Variants in CTPS1 observed in about 807,000 individuals in gnomAD.
CTPS1 encodes CTP synthase 1, also known as CTP synthetase 1.
A neutral mutation model predicts 80.5 loss-of-function variants in CTPS1; 25 were observed. The ratio of observed to expected loss-of-function variants is 0.31; its 90% CI spans 0.23 to 0.43. CTPS1 has a LOEUF of 0.43. Ranked by LOEUF, CTPS1 falls within the 20% of genes least tolerant of loss-of-function variation. CTPS1 has a pLI of 1.00. For synonymous variants in CTPS1, 267 were observed against 252.5 expected (o/e 1.06, Z -0.54); for missense variants, 442 against 725.7 (o/e 0.61, Z 4.49).
intron 7 of CTPS1, among the ~76,000 whole-genome samples, chr1:40,994,757 G>A (rs1250068979): frequency 1.3e-5 from 2 of 152,086 alleles, no homozygotes; most frequent in South Asian, 2.1e-4. Flanking sequence ...GCCTTGTTCT[G>A]GACTTTAAAT....
chr1:40,982,770 C>T (rs184886809), intron 1 of CTPS1, among the ~76,000 whole-genome samples: 6 of 152,320 alleles, frequency 3.9e-5, no homozygotes, highest in Admixed American at 3.9e-4. Flanking sequence ...TTTAGTCTAT[C>T]TTTTGTAACC....
Position 41,007,314 on chromosome 1 carries a change from G to A in CTPS1, c.1297-135G>A, listed in dbSNP as rs1378479833. On this transcript the variant is annotated intron_variant, in intron 13 of 18. Transcript: ENST00000650070. The surrounding 1 kb of genome is among the most constrained non-coding windows in gnomAD (Gnocchi z 4.4). The stretch of plus-strand genomic sequence containing the variant: ...CCAACTGGGAGGCATTTTCTTCTGT[G>A]ACAAAATGTCTCATAAGGAAAGCCT... 1 of 735,260 alleles carries A rather than the reference G, an allele frequency of 1.4e-6. No individual in the cohort carries two copies. Among genetic ancestry groups the A allele is most frequent in the Non-Finnish European group, 2.2e-6 (1 of 447,386 alleles). The allele number at this position is 735,260 out of a possible 1,614,324, so 45.5% of individuals were successfully genotyped here.
chr1:40,988,786 C>A, intron 5 of CTPS1, 76 bp downstream of exon 5: 1 of 967,468 alleles, frequency 1.0e-6, no homozygotes, highest in Non-Finnish European at 1.7e-6. Context: ...ATGATTTTCA[C>A]TCATTGTCTA....
At chr1:40,982,213 G>T (rs372890675) in intron 1 of CTPS1, among the ~76,000 whole-genome samples, 2 of 152,020 alleles carry the variant, frequency 1.3e-5, no homozygotes, top group African/African-American at 4.8e-5. Context: ...TGCCACCGTG[G>T]CACTGCTTTT....
chr1:40,981,074 C>CG (rs1171269175), intron 1 of CTPS1: 1 of 152,232 alleles, frequency 6.6e-6, no homozygotes, highest in African/African-American at 2.4e-5. Context: ...CATCGTCCCC[C>CG]TTTATAGTCT....
chr1:40,993,998 C>T (rs905721599), intron 7 of CTPS1, among the ~76,000 whole-genome samples: 3 of 152,012 alleles, frequency 2.0e-5, no homozygotes, highest in East Asian at 1.9e-4. Context: ...AGGCTGGTTG[C>T]GAACTCCTGA....
chr1:40,996,111 T>C (rs747865284), intron 8 of CTPS1, 43 bp downstream of exon 8: 3 of 1,611,156 alleles, frequency 1.9e-6, no homozygotes, highest in Non-Finnish European at 1.7e-6. Flanking sequence ...CCTCCTTTAC[T>C]CTTTTGTAGG....
intron 16 of CTPS1, among the ~76,000 whole-genome samples, chr1:41,009,124 A>C (rs1487560736): frequency 6.6e-6 from 1 of 152,132 alleles, no homozygotes; most frequent in Non-Finnish European, 1.5e-5. Flanking sequence ...CTCCTTCTCC[A>C]AAATGCTTGG....
In CTPS1 at chr1:41,009,590, G is replaced by C; in HGVS notation, c.1691+1G>C. The C allele has an allele frequency of 6.2e-7, 1 of 1,613,968 alleles. No homozygotes were observed. Among genetic ancestry groups the C allele is most frequent in the East Asian group, 2.2e-5 (1 of 44,874 alleles). On this transcript the variant is annotated splice_donor_variant, in intron 17 of 18. Transcript: ENST00000650070. LOFTEE classifies it high-confidence loss of function. Reference sequence around the variant, plus strand: ...AGAAAGGCTGCAGGCTCTCACCCAGGTAGGCGCACTCTTTGCTTCAGTAAT... The same window carrying C: ...AGAAAGGCTGCAGGCTCTCACCCAGCTAGGCGCACTCTTTGCTTCAGTAAT...
intron 7 of CTPS1, among the ~76,000 whole-genome samples, chr1:40,993,445 G>A (rs183283357): frequency 3.1e-4 from 47 of 151,500 alleles, no homozygotes; most frequent in Middle Eastern, 3.5e-3. Flanking sequence ...GGCTTAAACA[G>A]CCCTCCTGCC....
Position 41,006,045 on chromosome 1 carries a change from T to C in CTPS1, c.1253-6T>C. On this transcript the variant is annotated splice_region_variant and splice_polypyrimidine_tract_variant and intron_variant, in intron 12 of 18. Coordinates refer to ENST00000650070, the MANE Select transcript of CTPS1 (RefSeq NM_001905.4). ...TATTTTCATAACAAGTATTTTGGTA[T>C]TTCAGATGCCAATTCTACAGAGTTT... is the stretch of plus-strand genomic sequence containing the variant. 6.2e-7 allele frequency: 1 copy of C among 1,611,766 alleles called. No homozygotes were observed. The highest frequency in any genetic ancestry group is 8.5e-7 in the Non-Finnish European group (1 of 1,177,842).
At chr1:41,005,506 AT>A (rs1335548952) in intron 12 of CTPS1, among the ~76,000 whole-genome samples, 3 of 152,000 alleles carry the variant, frequency 2.0e-5, no homozygotes, top group African/African-American at 7.2e-5. Flanking sequence ...TTACTAGGTT[AT>A]GCCATTAGTT....
chr1:40,997,471 T>C lies in CTPS1; in HGVS notation c.950T>C (p.Val317Ala). The change falls in exon 9 of 19, where the codon GTC becomes GCC. Residue 317 changes from valine to alanine, a missense_variant. By Grantham distance (64) the Val-to-Ala change is moderately conservative. Coordinates refer to ENST00000650070, the MANE Select transcript of CTPS1 (RefSeq NM_001905.4). The part of the protein sequence containing the change: ...YTKFSDSYAS[V>A]IKALEHSALA... Reference sequence around the variant, plus strand: ...AAGTTCTCAGACTCCTATGCCTCTGTCATTAAGGCTCTGGAGCATTCTGCA... The same window carrying C: ...AAGTTCTCAGACTCCTATGCCTCTGCCATTAAGGCTCTGGAGCATTCTGCA... The C allele has an allele frequency of 6.2e-7, 1 of 1,614,204 alleles. No individual in the cohort carries two copies. The highest frequency in any genetic ancestry group is 1.3e-5 in the African/African-American group (1 of 75,054).
At chr1:40,984,761 A>G in intron 2 of CTPS1, 60 bp from the exon 3 acceptor site, 1 of 1,263,280 alleles carries the variant, frequency 7.9e-7, no homozygotes, top group Non-Finnish European at 1.1e-6. Flanking sequence ...TCAGGATTGC[A>G]GTTGTGCCAT....
At chr1:41,008,525 C>T in intron 14 of CTPS1, 134 bp from the exon 15 acceptor site, 1 of 860,240 alleles carries the variant, frequency 1.2e-6, no homozygotes, top group Non-Finnish European at 1.9e-6. Context: ...GTGACCTTAG[C>T]AGATTCATAG....
intron 10 of CTPS1, 61 bp from the exon 11 acceptor site, chr1:41,002,099 T>C: frequency 2.7e-6 from 4 of 1,473,658 alleles, no homozygotes; most frequent in South Asian, 1.1e-5. Flanking sequence ...CGTTAGGCGA[T>C]TATTGCAAGT....
At position 41,011,940 on chromosome 1, in the gene CTPS1, T is replaced by C. The variant is rs1319305557; in HGVS notation, c.*292T>C. The C allele has an allele frequency of 6.6e-6, 1 of 152,184 alleles. No individual in the cohort carries two copies. The highest frequency in any genetic ancestry group is 1.5e-5 in the Non-Finnish European group (1 of 68,028). 9.4% of individuals were successfully genotyped at this position (152,184 alleles called of 1,614,324 possible). The stretch of plus-strand genomic sequence containing the variant: ...CTGCAGAGTGCCCCATCGGTCACCT[T>C]GTTTCTCAACTACCTCGCATCATTG... On this transcript the variant is annotated 3_prime_UTR_variant, in exon 19 of 19. Coordinates refer to ENST00000650070, the MANE Select transcript of CTPS1 (RefSeq NM_001905.4).
intron 1 of CTPS1, among the ~76,000 whole-genome samples, chr1:40,982,272 G>A (rs1642330267): frequency 6.6e-6 from 1 of 152,024 alleles, no homozygotes; most frequent in African/African-American, 2.4e-5. Context: ...CCCGTCATGT[G>A]CTTCAGACTG....
chr1:40,983,389 T>C lies in CTPS1; in HGVS notation c.99T>C (p.His33=). ...VGTILKSCGL[H]VTSIKIDPYI... is the part of the protein sequence containing the mutation. ...CAATACTCAAGTCATGTGGTTTACA[T>C]GTAACTTCAATCAAAATTGACCCCT... is the stretch of plus-strand genomic sequence containing the variant. The change falls in exon 2 of 19, where the codon CAT becomes CAC. Residue 33 remains histidine, a synonymous_variant. Transcript: ENST00000650070. 1 of 1,614,114 alleles carries C rather than the reference T, an allele frequency of 6.2e-7. No homozygotes were observed. Among genetic ancestry groups the C allele is most frequent in the Non-Finnish European group, 8.5e-7 (1 of 1,179,964 alleles).
Sources: gnomAD v4.1 joint callset for allele counts (sites outside exome capture counted in the v4.1 genomes callset) on GRCh38, gnomAD v4.1.1 for gene constraint, Gnocchi (gnomAD v3.1) non-coding constraint, MANE v1.5 for transcripts, NCBI Gene and HGNC (gene_info 2026-07-23, HGNC 2026-07-21) for gene names.